Variants in PTPRD observed in about 807,000 individuals in gnomAD.
PTPRD encodes protein tyrosine phosphatase receptor type D, also known as receptor-type tyrosine-protein phosphatase delta.
A neutral mutation model predicts 214.5 loss-of-function variants in PTPRD; 34 were observed. The observed-to-expected ratio is 0.16, with a 90% CI of 0.12 to 0.21. The LOEUF (loss-of-function observed/expected upper bound fraction) is 0.21. Ranked by LOEUF, PTPRD falls within the 10% of genes least tolerant of loss-of-function variation. PTPRD has a pLI of 1.00. For missense variants in PTPRD, 2,545 were observed against 2,398.7 expected, an observed-to-expected ratio of 1.06 and a Z score of -1.27; for synonymous variants, 1,128 against 845.7, an observed-to-expected ratio of 1.33 and a Z score of -5.79.
chr9:9,725,165 G>T (rs2098059148), intron 7 of PTPRD, among the ~76,000 whole-genome samples: 1 of 152,148 alleles, frequency 6.6e-6, no homozygotes, highest in African/African-American at 2.4e-5. Flanking sequence ...ATCTCATCTT[G>T]TAGCTCCTAA....
At chr9:8,659,857 T>C (rs1381848686) in intron 12 of PTPRD, among the ~76,000 whole-genome samples, 2 of 152,222 alleles carry the variant, frequency 1.3e-5, no homozygotes, top group Non-Finnish European at 2.9e-5. Flanking sequence ...TCAATGATGA[T>C]ATTTGATCTA....
At chr9:9,495,127 C>A (rs1281132955) in intron 8 of PTPRD, among the ~76,000 whole-genome samples, 1 of 152,044 alleles carries the variant, frequency 6.6e-6, no homozygotes, top group Non-Finnish European at 1.5e-5. Flanking sequence ...AAACAATGAA[C>A]TTAGACCCCA....
At chr9:8,427,837 G>T (rs6477304) in intron 35 of PTPRD, among the ~76,000 whole-genome samples, 64,695 of 151,342 alleles carry the variant, frequency 0.43, 14,295 homozygotes, top group East Asian at 0.62. Context: ...TGATGGCATC[G>T]TGCAGTTATA....
Position 10,479,658 on chromosome 9 carries a change from T to TAAATAATCAAAC in PTPRD, c.-600+132739_-600+132740insGTTTGATTATTT, listed in dbSNP as rs141946645. Among the ~76,000 whole-genome samples the TAAATAATCAAAC allele has an allele frequency of 1.4e-5, 2 of 145,812 alleles. 1 individual carries two copies. Among genetic ancestry groups the TAAATAATCAAAC allele is most frequent in the Admixed American group, 1.4e-4 (2 of 14,416 alleles). ...ATAAATAAATAAATAAATAAATAAA[T>TAAATAATCAAAC]AAACAAAAATACAAAAATTTGCCAA... On this transcript the variant is annotated intron_variant, in intron 2 of 45. Transcript: ENST00000381196.
chr9:9,151,326 C>T (rs1298746062), intron 10 of PTPRD, among the ~76,000 whole-genome samples: 1 of 152,130 alleles, frequency 6.6e-6, no homozygotes, highest in Admixed American at 6.5e-5. Flanking sequence ...CTTTAGCTTC[C>T]CAGGTTTCCC....
In PTPRD at chr9:8,504,415, A is replaced by G. The variant is rs781166976; in HGVS notation, c.1678-10T>C. ...CAATGGTAATTCGTTGCTGGAAGCA[A>G]TAAGAGAATGTGGTCATCTTCATTA... On this transcript the variant is annotated splice_polypyrimidine_tract_variant and intron_variant, in intron 22 of 45. Transcript: ENST00000381196. 3.1e-6 allele frequency: 5 copies of G among 1,614,068 alleles called. No individual in the cohort carries two copies. Among genetic ancestry groups the G allele is most frequent in the African/African-American group, 2.7e-5 (2 of 75,048 alleles).
intron 11 of PTPRD, among the ~76,000 whole-genome samples, chr9:8,772,081 CCTA>C (rs2095251003): frequency 6.6e-6 from 1 of 152,082 alleles, no homozygotes; most frequent in East Asian, 1.9e-4. Context: ...AATATATACA[CCTA>C]CTATGTGCCC....
At chr9:9,417,926 G>A (rs1385094597) in intron 8 of PTPRD, among the ~76,000 whole-genome samples, 1 of 151,908 alleles carries the variant, frequency 6.6e-6, no homozygotes, top group Non-Finnish European at 1.5e-5. Flanking sequence ...TCTCTTTTCT[G>A]TTGATAAAAT....
chr9:9,605,867 T>C (rs1327014574), intron 7 of PTPRD, among the ~76,000 whole-genome samples: 1 of 152,102 alleles, frequency 6.6e-6, no homozygotes, highest in African/African-American at 2.4e-5. Flanking sequence ...TAACGGAACT[T>C]GTCATAATGA....
intron 5 of PTPRD, among the ~76,000 whole-genome samples, chr9:9,914,493 C>T (rs2080125545): frequency 6.6e-6 from 1 of 152,306 alleles, no homozygotes; most frequent in East Asian, 1.9e-4. Flanking sequence ...CAATCAGAGG[C>T]CAGCCAAACA....
chr9:9,940,644 A>G (rs987865419), intron 4 of PTPRD, among the ~76,000 whole-genome samples: 12 of 152,182 alleles, frequency 7.9e-5, no homozygotes, highest in African/African-American at 2.7e-4. Flanking sequence ...AATATTAACA[A>G]AAGTGTCAAC....
intron 8 of PTPRD, among the ~76,000 whole-genome samples, chr9:9,418,368 C>T (rs539131745): frequency 2.6e-5 from 4 of 151,910 alleles, no homozygotes; most frequent in South Asian, 4.2e-4. Context: ...TAGAGAAAAC[C>T]GACATAACTC....
chr9:9,764,268 A>G (rs1157985800), intron 6 of PTPRD, among the ~76,000 whole-genome samples: 1 of 152,224 alleles, frequency 6.6e-6, no homozygotes, highest in Non-Finnish European at 1.5e-5. Flanking sequence ...TCTACATTTT[A>G]TAATGCGGTG....
chr9:9,071,321 AG>A (rs1490847843), intron 10 of PTPRD, among the ~76,000 whole-genome samples: 2 of 152,230 alleles, frequency 1.3e-5, no homozygotes, highest in Non-Finnish European at 2.9e-5. Flanking sequence ...GGGCTATTGC[AG>A]ATATGCAATT....
intron 2 of PTPRD, among the ~76,000 whole-genome samples, chr9:10,387,406 G>A (rs779566877): frequency 1.3e-5 from 2 of 151,872 alleles, no homozygotes; most frequent in Non-Finnish European, 2.9e-5. Flanking sequence ...CTGGGGAAAT[G>A]TGTAAGTGAG....
At chr9:8,703,576 C>T (rs2098135852) in intron 12 of PTPRD, among the ~76,000 whole-genome samples, 1 of 152,192 alleles carries the variant, frequency 6.6e-6, no homozygotes. Flanking sequence ...TTTCCTCCAA[C>T]TCTATTGTTT....
At chr9:8,889,648 G>C (rs748770546) in intron 11 of PTPRD, among the ~76,000 whole-genome samples, 3 of 116,534 alleles carry the variant, frequency 2.6e-5, no homozygotes, top group Non-Finnish European at 4.9e-5. Flanking sequence ...AAAGTTCATT[G>C]TATCATTCTT....
At chr9:8,651,506 T>G (rs1165692368) in intron 12 of PTPRD, among the ~76,000 whole-genome samples, 1 of 152,174 alleles carries the variant, frequency 6.6e-6, no homozygotes, top group Non-Finnish European at 1.5e-5. Flanking sequence ...TGAAGAACTT[T>G]AATAAAATGA....
At chr9:9,887,006 T>G (rs2071198087) in intron 5 of PTPRD, among the ~76,000 whole-genome samples, 1 of 151,980 alleles carries the variant, frequency 6.6e-6, no homozygotes. Context: ...CAACAAACCA[T>G]GAGAGGCCAT....
Sources: allele counts gnomAD v4.1 joint callset (sites outside exome capture counted in the v4.1 genomes callset), GRCh38; gene constraint gnomAD v4.1.1; transcripts MANE v1.5; gene names NCBI Gene and HGNC (gene_info 2026-07-23, HGNC 2026-07-21).